AGBL4: variants seen among roughly 807,000 people sequenced by gnomAD.
The protein encoded by AGBL4 is AGBL carboxypeptidase 4, also known as cytosolic carboxypeptidase 6.
In AGBL4, 58 loss-of-function variants were observed where a neutral mutation model predicts 66.4. The observed-to-expected ratio is 0.87, with a 90% CI of 0.71 to 1.09. The LOEUF is 1.09. Ranked by LOEUF, AGBL4 falls within the 50% of genes least tolerant of loss-of-function variation. The probability of loss-of-function intolerance (pLI) is 0.00; values close to 1 mark genes in which losing one functional copy is unlikely to be tolerated. For missense variants in AGBL4, 579 were observed against 631.0 expected (o/e 0.92, Z 0.88); for synonymous variants, 234 against 222.9 (o/e 1.05, Z -0.44).
chr1:49,991,655 C>T (rs1659951912), intron 1 of AGBL4, among the ~76,000 whole-genome samples: 1 of 152,326 alleles, frequency 6.6e-6, no homozygotes, highest in South Asian at 2.1e-4. Flanking sequence ...ACCATTATTA[C>T]TGCAAGTTCA....
intron 11 of AGBL4, among the ~76,000 whole-genome samples, chr1:48,560,121 G>A (rs1193571737): frequency 6.6e-6 from 1 of 152,118 alleles, no homozygotes; most frequent in African/African-American, 2.4e-5. Flanking sequence ...CCTCTTTCAT[G>A]ACACTTGCAG....
intron 5 of AGBL4, among the ~76,000 whole-genome samples, chr1:48,917,433 A>G (rs938853651): frequency 2.0e-5 from 3 of 152,160 alleles, no homozygotes; most frequent in Non-Finnish European, 4.4e-5. Context: ...CATTTTTGAT[A>G]ATATTTATCC....
intron 5 of AGBL4, among the ~76,000 whole-genome samples, chr1:48,993,014 C>T (rs1453218193): frequency 1.3e-5 from 2 of 152,072 alleles, no homozygotes; most frequent in African/African-American, 4.8e-5. Flanking sequence ...AAAACAAAGT[C>T]TCCTTTACTC....
rs371138225 is a variant in AGBL4, at chr1:49,828,288, G to A, written c.157+23108C>T. Among the ~76,000 whole-genome samples the A allele has an allele frequency of 3.4e-4, 52 of 152,260 alleles. 1 individual carries two copies. In the South Asian group the frequency reaches 9.5e-3, roughly 28 times the overall value. The stretch of plus-strand genomic sequence containing the variant: ...AACTATTCTTATTGTAAGAAAGGCA[G>A]ATAAACAAATAAAAAAGCAAGTAGC... On this transcript the variant is annotated intron_variant, in intron 2 of 13. Transcript: ENST00000371839.
intron 3 of AGBL4, among the ~76,000 whole-genome samples, chr1:49,312,358 C>A (rs1308898937): frequency 6.6e-6 from 1 of 152,074 alleles, no homozygotes; most frequent in East Asian, 1.9e-4. Context: ...GACACTGAAC[C>A]TCCCAGCACC....
intron 6 of AGBL4, among the ~76,000 whole-genome samples, chr1:48,671,552 C>T (rs1646276772): frequency 6.6e-6 from 1 of 152,198 alleles, no homozygotes; most frequent in Non-Finnish European, 1.5e-5. Flanking sequence ...TTCTCATCTG[C>T]AAAATCAGGA....
At chr1:48,973,032 G>A (rs536975809) in intron 5 of AGBL4, among the ~76,000 whole-genome samples, 6 of 152,168 alleles carry the variant, frequency 3.9e-5, no homozygotes, top group East Asian at 1.9e-4. Flanking sequence ...TCTCTAGTCC[G>A]TAGTGTGTAG....
intron 6 of AGBL4, among the ~76,000 whole-genome samples, chr1:48,778,541 C>T (rs1645197883): frequency 6.6e-6 from 1 of 152,080 alleles, no homozygotes; most frequent in Admixed American, 6.5e-5. Context: ...TTTAAAAATT[C>T]ATCTTAATAA....
Position 49,974,289 on chromosome 1 carries a change from T to C in AGBL4, c.34+49474A>G, listed in dbSNP as rs568112835. Among the ~76,000 whole-genome samples, 14 of 152,176 alleles carry C rather than the reference T, an allele frequency of 9.2e-5. No individual in the cohort carries two copies. In the South Asian group the frequency reaches 2.3e-3, roughly 25 times the overall value. On this transcript the variant is annotated intron_variant, in intron 1 of 13. Coordinates refer to ENST00000371839, the MANE Select transcript of AGBL4 (RefSeq NM_032785.4). ...TGAGAAAATATTAATAAATAAAATA[T>C]GTATGGTGAAACCAGGTGATTTATA...
chr1:48,898,926 G>A (rs1429581450), intron 5 of AGBL4, among the ~76,000 whole-genome samples: 1 of 152,182 alleles, frequency 6.6e-6, no homozygotes, highest in Non-Finnish European at 1.5e-5. Context: ...GCGGCTCTAA[G>A]GTCCTCTCAC....
chr1:49,835,614 A>T (rs975157943), intron 2 of AGBL4, among the ~76,000 whole-genome samples: 5 of 152,194 alleles, frequency 3.3e-5, no homozygotes, highest in African/African-American at 1.2e-4. Flanking sequence ...TCCTGTCATT[A>T]TGATGCTACC....
chr1:48,924,357 G>A (rs1388799831), intron 5 of AGBL4, among the ~76,000 whole-genome samples: 2 of 151,888 alleles, frequency 1.3e-5, no homozygotes, highest in African/African-American at 4.8e-5. Flanking sequence ...TCTCTCACCT[G>A]AGACCTGCAA....
At chr1:49,163,395 C>T (rs575291034) in intron 4 of AGBL4, among the ~76,000 whole-genome samples, 1 of 148,616 alleles carries the variant, frequency 6.7e-6, no homozygotes, top group Non-Finnish European at 1.5e-5. Context: ...TGTCACCTAA[C>T]GTTTGGTAGA....
At position 49,089,528 on chromosome 1, in the gene AGBL4, A is replaced by T. The variant is rs573706639; in HGVS notation, c.378-43728T>A. Among the ~76,000 whole-genome samples the T allele has an allele frequency of 2.6e-5, 4 of 152,078 alleles. No individual in the cohort carries two copies. In the South Asian group the frequency reaches 8.3e-4, roughly 31 times the overall value. On this transcript the variant is annotated intron_variant, in intron 4 of 13. Coordinates refer to ENST00000371839, the MANE Select transcript of AGBL4 (RefSeq NM_032785.4). The stretch of plus-strand genomic sequence containing the variant: ...AATGATTACATTTCTTGAAATGTCT[A>T]TACAAGACTGAACAAGGAAGAAGCT...
chr1:49,537,636 G>A (rs1441422154), intron 3 of AGBL4, among the ~76,000 whole-genome samples: 2 of 152,170 alleles, frequency 1.3e-5, no homozygotes, highest in Non-Finnish European at 2.9e-5. Context: ...ACAAGGGTAA[G>A]TCAGCAGGCT....
At chr1:49,371,236 G>T (rs1276908821) in intron 3 of AGBL4, among the ~76,000 whole-genome samples, 2 of 137,252 alleles carry the variant, frequency 1.5e-5, no homozygotes, top group Admixed American at 1.4e-4. Context: ...TATATAGATA[G>T]ATAGATAGAT....
chr1:49,935,124 C>A (rs1653818452), intron 1 of AGBL4, among the ~76,000 whole-genome samples: 1 of 152,206 alleles, frequency 6.6e-6, no homozygotes, highest in African/African-American at 2.4e-5. Flanking sequence ...CAGGTCACTC[C>A]CACCCTAATA....
At chr1:48,849,946 C>G (rs1646997623) in intron 6 of AGBL4, among the ~76,000 whole-genome samples, 1 of 152,056 alleles carries the variant, frequency 6.6e-6, no homozygotes, top group Admixed American at 6.6e-5. Flanking sequence ...GCACTCCAGC[C>G]TGGGTGAGAG....
At chr1:49,269,714 A>G (rs900315504) in intron 3 of AGBL4, among the ~76,000 whole-genome samples, 8 of 152,106 alleles carry the variant, frequency 5.3e-5, no homozygotes, top group Non-Finnish European at 4.4e-5. Context: ...CATTCTTCCC[A>G]TAAGCTCAAG....
Sources: allele counts gnomAD v4.1 joint callset (sites outside exome capture counted in the v4.1 genomes callset), GRCh38; gene constraint gnomAD v4.1.1; transcripts MANE v1.5; gene names NCBI Gene and HGNC (gene_info 2026-07-23, HGNC 2026-07-21).